The following ALMS1 variants were observed in gnomAD, a reference collection of about 807,000 sequenced individuals.
ALMS1 encodes the protein ALMS1 centrosome and basal body associated protein.
ALMS1 carries 271 observed loss-of-function variants against 352.2 expected under a neutral mutation model. That is an observed-to-expected ratio of 0.77 (90% CI 0.70 to 0.85). The LOEUF is 0.85. ALMS1 is among the 40% of genes least tolerant of loss of function. The pLI is 0.00. For missense variants in ALMS1, 5,445 were observed against 4,870.7 expected (o/e 1.12, Z -3.51); for synonymous variants, 1,865 against 1,761.2 (o/e 1.06, Z -1.48).
At chr2:73,588,371 C>G (rs1162285654) in intron 16 of ALMS1, among the ~76,000 whole-genome samples, 1 of 131,766 alleles carries the variant, frequency 7.6e-6, no homozygotes, top group Non-Finnish European at 1.5e-5. Flanking sequence ...GCACTTGTGC[C>G]CCACATGCCC....
rs552417998 is a variant in ALMS1 at position 73,511,566 on chromosome 2, T to C, written c.9540-8209T>C. The stretch of plus-strand genomic sequence containing the variant: ...TCGGAAATGCAGAAATCACCTGCCT[T>C]CTGCGTTGGTCTTGCTGGGAGCTGC... On this transcript the variant is annotated intron_variant, in intron 10 of 22. Coordinates refer to ENST00000613296, the MANE Select transcript of ALMS1 (RefSeq NM_001378454.1). 3.9e-5 allele frequency among the ~76,000 whole-genome samples: 6 copies of C among 152,270 alleles called. No homozygotes were observed. In the East Asian group the frequency reaches 1.2e-3, roughly 29 times the overall value.
At chr2:73,501,889 A>G (rs762488212) in intron 10 of ALMS1, among the ~76,000 whole-genome samples, 5 of 152,116 alleles carry the variant, frequency 3.3e-5, no homozygotes, top group Non-Finnish European at 7.4e-5. Flanking sequence ...CTTCCTATGC[A>G]TGAACATGGT....
intron 7 of ALMS1, among the ~76,000 whole-genome samples, chr2:73,433,539 A>G (rs1447439857): frequency 6.6e-6 from 1 of 152,174 alleles, no homozygotes; most frequent in Non-Finnish European, 1.5e-5. Context: ...TTGAAGGGTG[A>G]TGAAATCCAT....
rs548139553 is a variant in ALMS1, at chr2:73,419,787, G to C, written c.646+469G>C. On this transcript the variant is annotated intron_variant, in intron 3 of 22. Transcript: ENST00000613296. ...GATAAAGAGGTTGAGTGGCTTGTCTGAGGTAGATCTTGCTGCTTTCCTCTG... is the reference window on the plus strand; with the variant it reads ...GATAAAGAGGTTGAGTGGCTTGTCTCAGGTAGATCTTGCTGCTTTCCTCTG... 3.3e-5 allele frequency among the ~76,000 whole-genome samples: 5 copies of C among 152,308 alleles called. No individual in the cohort carries two copies. In the South Asian group the frequency reaches 1.0e-3, roughly 32 times the overall value.
rs776912137 is a variant in ALMS1, at chr2:73,602,355, G to A, written c.12285G>A (p.Pro4095=). The change falls in exon 20 of 23, where the codon CCG becomes CCA. Residue 4095 remains proline, a synonymous_variant. Coordinates refer to ENST00000613296, the MANE Select transcript of ALMS1 (RefSeq NM_001378454.1). ...ERQGHQNRMC[P]LPKRVFLAIQ... Reference sequence around the variant, plus strand: ...AGGGCCACCAGAATCGCATGTGCCCGCTGCCCAAGAGAGGTACGCCCTGCC... The same window carrying A: ...AGGGCCACCAGAATCGCATGTGCCCACTGCCCAAGAGAGGTACGCCCTGCC... The A allele has an allele frequency of 3.3e-5, 53 of 1,613,980 alleles. No homozygotes were observed. The highest frequency in any genetic ancestry group is 1.8e-4 in the East Asian group (8 of 44,898).
At chr2:73,485,915 C>T (rs1193829807) in intron 9 of ALMS1, among the ~76,000 whole-genome samples, 1 of 152,158 alleles carries the variant, frequency 6.6e-6, no homozygotes, top group African/African-American at 2.4e-5. Flanking sequence ...TGAGGCAATG[C>T]CTTGCCCTGC....
At chr2:73,520,440 A>G (rs751122892) in intron 11 of ALMS1, among the ~76,000 whole-genome samples, 1 of 152,208 alleles carries the variant, frequency 6.6e-6, no homozygotes, top group Non-Finnish European at 1.5e-5. Context: ...AGATGCATAA[A>G]CATGTGATAG....
At chr2:73,391,554 A>G (rs1250936939) in intron 1 of ALMS1, among the ~76,000 whole-genome samples, 2 of 151,980 alleles carry the variant, frequency 1.3e-5, no homozygotes, top group Admixed American at 6.6e-5. Flanking sequence ...CGGCCTCCCA[A>G]AGTGCTGGGA....
chr2:73,554,217 A>G (rs532695230), intron 13 of ALMS1, among the ~76,000 whole-genome samples: 46 of 151,182 alleles, frequency 3.0e-4, no homozygotes, highest in African/African-American at 1.1e-3. Context: ...TATGGACAAA[A>G]TATAATTCCA....
intron 12 of ALMS1, 139 bp from the exon 13 acceptor site, chr2:73,550,127 TG>T: frequency 2.5e-6 from 2 of 809,740 alleles, no homozygotes; most frequent in Non-Finnish European, 3.9e-6. Flanking sequence ...TCCAAAGTGC[TG>T]GGATTACAGG....
Position 73,452,986 on chromosome 2 carries a change from A to G in ALMS1, c.6459A>G (p.Gln2153=), listed in dbSNP as rs1326866029. ...GAGAGAAACCAGATATTTTCTATCA[A>G]AAGGATTTGCCAGATAGACATCTAA... ...SHREKPDIFY[Q]KDLPDRHLTE... is the part of the protein sequence containing the mutation. Residue 2153 remains glutamine, a synonymous_variant, in exon 8 of 23, where the codon CAA becomes CAG. Coordinates refer to ENST00000613296, the MANE Select transcript of ALMS1 (RefSeq NM_001378454.1). 4 of 1,612,274 alleles carry G rather than the reference A, an allele frequency of 2.5e-6. No homozygotes were observed. Among genetic ancestry groups the G allele is most frequent in the East Asian group, 2.2e-5 (1 of 44,864 alleles).
chr2:73,598,900 AC>A (rs1333551297), intron 16 of ALMS1, among the ~76,000 whole-genome samples: 1 of 151,814 alleles, frequency 6.6e-6, no homozygotes, highest in Non-Finnish European at 1.5e-5. Flanking sequence ...GGCCTTTGGG[AC>A]TCTCTAATAC....
intron 9 of ALMS1, among the ~76,000 whole-genome samples, chr2:73,476,641 G>A (rs1344767456): frequency 6.6e-6 from 1 of 151,588 alleles, no homozygotes; most frequent in African/African-American, 2.4e-5. Context: ...GTCTCATTGT[G>A]GTGGTGATTT....
At chr2:73,438,430 G>A (rs1002906754) in intron 7 of ALMS1, among the ~76,000 whole-genome samples, 1 of 152,170 alleles carries the variant, frequency 6.6e-6, no homozygotes. Flanking sequence ...AGATAAATTG[G>A]AAACAAGTTT....
intron 7 of ALMS1, among the ~76,000 whole-genome samples, chr2:73,438,616 T>C (rs1671652696): frequency 6.6e-6 from 1 of 152,164 alleles, no homozygotes; most frequent in Admixed American, 6.5e-5. Flanking sequence ...AAATAATTTG[T>C]GATTAAAATT....
intron 9 of ALMS1, among the ~76,000 whole-genome samples, chr2:73,488,073 C>A (rs905056881): frequency 6.6e-6 from 1 of 152,224 alleles, no homozygotes; most frequent in Admixed American, 6.5e-5. Flanking sequence ...ACTGGCAGCC[C>A]TTCAACCCAT....
At chr2:73,568,658 C>T (rs760990919) in intron 15 of ALMS1, among the ~76,000 whole-genome samples, 8 of 151,918 alleles carry the variant, frequency 5.3e-5, no homozygotes, top group Non-Finnish European at 1.0e-4. Flanking sequence ...CAGAGATAAC[C>T]GGGAGAACTT....
intron 21 of ALMS1, among the ~76,000 whole-genome samples, chr2:73,605,646 C>G (rs1027024710): frequency 2.0e-5 from 3 of 152,100 alleles, no homozygotes; most frequent in African/African-American, 7.2e-5. Context: ...GTCAGGAGTT[C>G]AAGCCTGGCC....
chr2:73,396,311 C>T (rs56145559), intron 1 of ALMS1, among the ~76,000 whole-genome samples: 43,331 of 146,220 alleles, frequency 0.3, 7,486 homozygotes, highest in African/African-American at 0.55. Context: ...AATACACACA[C>T]ACACACACAC....
Sources: allele counts gnomAD v4.1 joint callset (sites outside exome capture counted in the v4.1 genomes callset), GRCh38; gene constraint gnomAD v4.1.1; transcripts MANE v1.5; gene names NCBI Gene and HGNC (gene_info 2026-07-23, HGNC 2026-07-21).